TNRC6A: variants seen among roughly 807,000 people sequenced by gnomAD.
TNRC6A encodes the protein trinucleotide repeat containing adaptor 6A.
TNRC6A carries 44 observed loss-of-function variants against 221.2 expected under a neutral mutation model. The observed-to-expected ratio is 0.20, with a 90% CI of 0.16 to 0.26. The LOEUF is 0.26. Among genes scored for constraint, TNRC6A ranks in the 10% least tolerant of loss-of-function variants. The pLI, the probability that TNRC6A is intolerant of heterozygous loss-of-function variation, is 1.00. For missense variants in TNRC6A, 2,199 were observed against 2,404.4 expected, an observed-to-expected ratio of 0.91 and a Z score of 1.79; for synonymous variants, 847 against 838.5, an observed-to-expected ratio of 1.01 and a Z score of -0.18.
At chr16:24,804,595 T>C in intron 12 of TNRC6A, 110 bp from the exon 13 acceptor site, 1 of 1,455,788 alleles carries the variant, frequency 6.9e-7, no homozygotes, top group East Asian at 2.3e-5. Flanking sequence ...TCTACCTGTT[T>C]CCTGTTGATG....
In TNRC6A at chr16:24,790,947, A is replaced by G; in HGVS notation, c.2305A>G (p.Lys769Glu). ...TTTTAACTCAGGGGCATGTATAGAT[A>G]AGACTAGCCCTAATGGTAATGATAC... ...QTFNSGACID[K>E]TSPNGNDTSS... Residue 769 changes from lysine (K) to glutamate (E), a missense_variant, in exon 6 of 25, where the codon AAG becomes GAG. By Grantham distance (56) the Lys-to-Glu change is moderately conservative. Coordinates refer to ENST00000395799, the MANE Select transcript of TNRC6A (RefSeq NM_014494.4). 2 of 1,613,208 alleles carry G rather than the reference A, an allele frequency of 1.2e-6. No individual in the cohort carries two copies. The highest frequency in any genetic ancestry group is 1.7e-5 in the Admixed American group (1 of 59,972).
intron 23 of TNRC6A, 134 bp from the exon 24 acceptor site, chr16:24,822,738 CAG>C (rs1173652532): frequency 2.4e-6 from 3 of 1,233,998 alleles, no homozygotes; most frequent in African/African-American, 1.5e-5. Flanking sequence ...AGAGCAACGT[CAG>C]AGTGTCAGTG....
At chr16:24,758,675 A>G (rs749325438) in intron 4 of TNRC6A, among the ~76,000 whole-genome samples, 1 of 152,082 alleles carries the variant, frequency 6.6e-6, no homozygotes, top group Non-Finnish European at 1.5e-5. Flanking sequence ...TCTTCCTTCT[A>G]AAAGTCTTCT....
In TNRC6A at chr16:24,776,729, G is replaced by A. The variant is rs1567456186; in HGVS notation, c.164-204G>A. ...AAGGTCCCTGGGCCCTTATTGGGTA[G>A]GTAGGTAGCAGAAGTGAAATATGAC... On this transcript the variant is annotated intron_variant, in intron 4 of 24. Transcript: ENST00000395799. 2.5e-5 allele frequency: 25 copies of A among 985,272 alleles called. No homozygotes were observed. In the South Asian group the frequency reaches 6.1e-4, roughly 24 times the overall value. The allele number at this position is 985,272 out of a possible 1,614,324, so 61.0% of individuals were successfully genotyped here. A position where few individuals can be genotyped will look rare whatever the true frequency, so the allele number is the denominator to read the frequency against.
chr16:24,797,579 G>A lies in TNRC6A; in HGVS notation c.3642+9G>A. The A allele has an allele frequency of 6.3e-7, 1 of 1,597,296 alleles. No homozygotes were observed. The highest frequency in any genetic ancestry group is 8.6e-7 in the Non-Finnish European group (1 of 1,168,306). On this transcript the variant is annotated intron_variant, in intron 10 of 24. Coordinates refer to ENST00000395799, the MANE Select transcript of TNRC6A (RefSeq NM_014494.4). ...CAAACATCAGTTTTTCGGTAAGTAT[G>A]TTTTCTTAGCAGCTCCTTCCTCTTT...
intron 1 of TNRC6A, among the ~76,000 whole-genome samples, chr16:24,637,747 G>A (rs568075502): frequency 2.2e-4 from 34 of 152,164 alleles, no homozygotes; most frequent in African/African-American, 5.1e-4. Context: ...AGCAAGGCAC[G>A]TAGAGTACAT....
intron 2 of TNRC6A, among the ~76,000 whole-genome samples, chr16:24,715,776 C>G (rs1015469061): frequency 6.6e-6 from 1 of 151,912 alleles, no homozygotes; most frequent in Non-Finnish European, 1.5e-5. Flanking sequence ...TGCCACCAAG[C>G]CTGGCTAAAT....
intron 2 of TNRC6A, among the ~76,000 whole-genome samples, chr16:24,645,013 T>G (rs930348525): frequency 1.3e-5 from 2 of 152,198 alleles, no homozygotes; most frequent in Non-Finnish European, 2.9e-5. Context: ...CAGCTGTCAT[T>G]GAAAACATTT....
rs780820507 is a variant in TNRC6A at position 24,791,868 on chromosome 16, T to C, written c.3175+51T>C. 3 of 1,444,522 alleles carry C rather than the reference T, an allele frequency of 2.1e-6. No individual in the cohort carries two copies. In the South Asian group the frequency reaches 4.6e-5, roughly 22 times the overall value. The allele number at this position is 1,444,522 out of a possible 1,614,324, so 89.5% of individuals were successfully genotyped here. A position where few individuals can be genotyped will look rare whatever the true frequency, so the allele number is the denominator to read the frequency against. ...GCCTTGTTTTAACTTACTGTTATTATAAGATTTGTATAACAAAGTACTTGG... is the reference window on the plus strand; with the variant it reads ...GCCTTGTTTTAACTTACTGTTATTACAAGATTTGTATAACAAAGTACTTGG... On this transcript the variant is annotated intron_variant, in intron 6 of 24. Transcript: ENST00000395799.
At chr16:24,646,710 C>T (rs1902310408) in intron 2 of TNRC6A, among the ~76,000 whole-genome samples, 1 of 152,086 alleles carries the variant, frequency 6.6e-6, no homozygotes, top group African/African-American at 2.4e-5. Flanking sequence ...TTTGGTAAGC[C>T]ATGAATTGAC....
At chr16:24,775,501 T>C (rs2057700607) in intron 4 of TNRC6A, among the ~76,000 whole-genome samples, 1 of 152,170 alleles carries the variant, frequency 6.6e-6, no homozygotes, top group Non-Finnish European at 1.5e-5. Flanking sequence ...GATCAGTTTG[T>C]TAGGTGAAGG....
intron 2 of TNRC6A, among the ~76,000 whole-genome samples, chr16:24,665,671 A>T (rs1255623841): frequency 2.6e-5 from 4 of 152,048 alleles, no homozygotes; most frequent in African/African-American, 9.7e-5. Flanking sequence ...CCTGGCCTTT[A>T]CCCCACTATA....
At chr16:24,687,393 G>T (rs2055648374) in intron 2 of TNRC6A, among the ~76,000 whole-genome samples, 1 of 152,134 alleles carries the variant, frequency 6.6e-6, no homozygotes, top group African/African-American at 2.4e-5. Flanking sequence ...CTTTATCATG[G>T]CACGTAAGGT....
At chr16:24,633,372 C>T (rs1300065111) in intron 1 of TNRC6A, among the ~76,000 whole-genome samples, 1 of 152,052 alleles carries the variant, frequency 6.6e-6, no homozygotes, top group Non-Finnish European at 1.5e-5. Context: ...AAAAATTATA[C>T]TCATGGTGTA....
chr16:24,615,762 A>G (rs1900308030), intron 1 of TNRC6A, among the ~76,000 whole-genome samples: 1 of 152,188 alleles, frequency 6.6e-6, no homozygotes, highest in Admixed American at 6.5e-5. Flanking sequence ...GTACTGGCTC[A>G]TGCCTGTAAT....
chr16:24,638,764 C>T (rs769502051), intron 1 of TNRC6A, among the ~76,000 whole-genome samples: 2 of 152,020 alleles, frequency 1.3e-5, no homozygotes, highest in Non-Finnish European at 2.9e-5. Context: ...CCTGTAATCT[C>T]TAAATGGTGT....
intron 2 of TNRC6A, among the ~76,000 whole-genome samples, chr16:24,739,844 C>T (rs963393300): frequency 7.2e-5 from 11 of 152,204 alleles, no homozygotes; most frequent in African/African-American, 2.6e-4. Flanking sequence ...TCTAGTTTAC[C>T]AGTATTTTTT....
intron 2 of TNRC6A, among the ~76,000 whole-genome samples, chr16:24,679,920 TAAACAAGATTCA>T (rs1366854489): frequency 6.6e-6 from 1 of 152,194 alleles, no homozygotes; most frequent in Non-Finnish European, 1.5e-5. Context: ...ACTGGATCTT[TAAACAAGATTCA>T]GAACAATATT....
chr16:24,688,708 G>A (rs1385928383), intron 2 of TNRC6A, among the ~76,000 whole-genome samples: 2 of 152,206 alleles, frequency 1.3e-5, no homozygotes, highest in Non-Finnish European at 2.9e-5. Flanking sequence ...GGAGATTCCT[G>A]AGTGTAGAAG....
Sources: allele counts gnomAD v4.1 joint callset (sites outside exome capture counted in the v4.1 genomes callset), GRCh38; gene constraint gnomAD v4.1.1; transcripts MANE v1.5; gene names NCBI Gene and HGNC (gene_info 2026-07-23, HGNC 2026-07-21).